Variants in FRZB observed in about 807,000 individuals in gnomAD.
FRZB encodes secreted frizzled-related protein 3.
In FRZB, 34 loss-of-function variants were observed where a neutral mutation model predicts 32.5. The ratio of observed to expected loss-of-function variants is 1.05; its 90% CI spans 0.80 to 1.39. The LOEUF (loss-of-function observed/expected upper bound fraction) is 1.39, where lower values mean the gene tolerates loss of function less well. FRZB is among the 40% of genes most tolerant of loss of function. The pLI is 0.00. For synonymous variants in FRZB, 170 were observed against 159.2 expected (o/e 1.07, Z -0.51); for missense variants, 423 against 424.8 (o/e 1.00, Z 0.04).
chr2:182,842,603 C>A, intron 2 of FRZB, 60 bp from the exon 3 acceptor site: 2 of 1,383,870 alleles, frequency 1.4e-6, no homozygotes, highest in South Asian at 2.4e-5. Flanking sequence ...TTGTTTTGCT[C>A]AGACTCACAT....
At chr2:182,859,046 T>C (rs899081341) in intron 1 of FRZB, among the ~76,000 whole-genome samples, 1 of 152,226 alleles carries the variant, frequency 6.6e-6, no homozygotes, top group Admixed American at 6.5e-5. Flanking sequence ...AAGGAAATAC[T>C]CTTCTGAATA....
At chr2:182,835,929 A>G (rs1280915121) in intron 5 of FRZB, among the ~76,000 whole-genome samples, 3 of 152,062 alleles carry the variant, frequency 2.0e-5, no homozygotes, top group African/African-American at 7.2e-5. Context: ...ACTAGACCTC[A>G]TTTTCATCAT....
rs757857052 is a variant in FRZB, at chr2:182,866,346, G to C, written c.207C>G (p.Ile69Met). The change falls in exon 1 of 6, where the codon ATC becomes ATG. Residue 69 changes from isoleucine (I) to methionine (M), a missense_variant. Physicochemically the swap from Ile to Met is conservative, Grantham distance 10. Transcript: ENST00000295113. This position sits in a 1 kb window ranked among gnomAD's most constrained non-coding sequence, Gnocchi z 4.5. Reference sequence around the variant, plus strand: ...TGCCCAGCAGACCTTCGAACTGCTCGATGGCCAGGATGGCGTTGGCCTGAG... The same window carrying C: ...TGCCCAGCAGACCTTCGAACTGCTCCATGGCCAGGATGGCGTTGGCCTGAG... ...HSTQANAILA[I>M]EQFEGLLGTH... 1.2e-6 allele frequency: 2 copies of C among 1,614,158 alleles called. No homozygotes were observed. Among genetic ancestry groups the C allele is most frequent in the Admixed American group, 1.7e-5 (1 of 60,024 alleles).
intron 1 of FRZB, among the ~76,000 whole-genome samples, chr2:182,860,295 T>G (rs1282845204): frequency 6.6e-6 from 1 of 152,196 alleles, no homozygotes; most frequent in African/African-American, 2.4e-5. Context: ...ACTTAGGAAT[T>G]CTAACAACAA....
In FRZB at chr2:182,866,601, G is replaced by A. The variant is rs111981420; in HGVS notation, c.-49C>T. ...TGCAGCCGCGCAGTGGACGCCAAAA[G>A]GCCCGCTCCGCCGTCTCCGCCTCCC... On this transcript the variant is annotated 5_prime_UTR_variant, in exon 1 of 6. Transcript: ENST00000295113. This position sits in a 1 kb window ranked among gnomAD's most constrained non-coding sequence, Gnocchi z 4.5. 158 of 1,304,278 alleles carry A rather than the reference G, an allele frequency of 1.2e-4. No homozygotes were observed. In the African/African-American group the frequency reaches 1.7e-3, roughly 14 times the overall value. 80.8% of individuals were successfully genotyped at this position (1,304,278 alleles called of 1,614,324 possible).
intron 2 of FRZB, among the ~76,000 whole-genome samples, chr2:182,853,702 A>G (rs921024687): frequency 6.6e-6 from 1 of 152,234 alleles, no homozygotes; most frequent in Non-Finnish European, 1.5e-5. Flanking sequence ...GTCCCAATGT[A>G]ATGAAAGTTG....
chr2:182,852,335 A>T (rs1258613727), intron 2 of FRZB, among the ~76,000 whole-genome samples: 1 of 152,200 alleles, frequency 6.6e-6, no homozygotes, highest in African/African-American at 2.4e-5. Flanking sequence ...AGCTACCCAG[A>T]GGAGCTTCTC....
chr2:182,846,703 A>G (rs965108877), intron 2 of FRZB, among the ~76,000 whole-genome samples: 7 of 152,188 alleles, frequency 4.6e-5, no homozygotes, highest in Admixed American at 2.0e-4. Flanking sequence ...AACACATTTT[A>G]AAAGATATAA....
At position 182,834,924 on chromosome 2, in the gene FRZB, A is replaced by AAGATGACGAAG; in HGVS notation, c.902_903insCTTCGTCATCT (p.Asp302PhefsTer70). The AAGATGACGAAG allele has an allele frequency of 6.2e-7, 1 of 1,613,386 alleles. No individual in the cohort carries two copies. Among genetic ancestry groups the AAGATGACGAAG allele is most frequent in the Admixed American group, 1.7e-5 (1 of 59,914 alleles). On this transcript the variant is annotated frameshift_variant, in exon 6 of 6. Coordinates refer to ENST00000295113, the MANE Select transcript of FRZB (RefSeq NM_001463.4). LOFTEE classifies it high-confidence loss of function. Reference sequence around the variant, plus strand: ...GAGTGGAATCACTATTGCTAGAATCACTTTTACTGAGTCCAAGATGACGAA... The same window carrying AAGATGACGAAG: ...GAGTGGAATCACTATTGCTAGAATCAAGATGACGAAGCTTTTACTGAGTCCAAGATGACGAA...
intron 2 of FRZB, among the ~76,000 whole-genome samples, chr2:182,845,270 T>C (rs1289803395): frequency 7.0e-6 from 1 of 142,912 alleles, no homozygotes; most frequent in Non-Finnish European, 1.6e-5. Context: ...AGCTGTCACC[T>C]TTTTTGTGCC....
chr2:182,848,372 A>G (rs1056588097), intron 2 of FRZB, among the ~76,000 whole-genome samples: 8 of 152,174 alleles, frequency 5.3e-5, no homozygotes, highest in Non-Finnish European at 1.0e-4. Flanking sequence ...CTTAAAACAG[A>G]AGATGGGCAA....
At chr2:182,843,589 T>G (rs1354705065) in intron 2 of FRZB, among the ~76,000 whole-genome samples, 1 of 152,178 alleles carries the variant, frequency 6.6e-6, no homozygotes, top group Non-Finnish European at 1.5e-5. Flanking sequence ...ACACATAAAT[T>G]AGAGAAAGGA....
chr2:182,842,806 C>T (rs2105754327), intron 2 of FRZB, among the ~76,000 whole-genome samples: 1 of 152,256 alleles, frequency 6.6e-6, no homozygotes, highest in Admixed American at 6.5e-5. Flanking sequence ...GCTGTTCACC[C>T]CCATGCATGA....
Position 182,866,212 on chromosome 2 carries a change from C to G in FRZB, c.341G>C (p.Arg114Pro), listed in dbSNP as rs200401426. 2.5e-5 allele frequency: 41 copies of G among 1,614,162 alleles called. No homozygotes were observed. Among genetic ancestry groups the G allele is most frequent in the Non-Finnish European group, 3.5e-5 (41 of 1,180,034 alleles). ...PIKPCKSVCE[R>P]ARQGCEPILI... The stretch of plus-strand genomic sequence containing the variant: ...TATGGGCTCACAGCCCTGCCGGGCC[C>G]GCTCGCACACAGACTTACAGGGCTT... The change falls in exon 1 of 6, where the codon CGG becomes CCG. Residue 114 changes from arginine to proline, a missense_variant. Coordinates refer to ENST00000295113, the MANE Select transcript of FRZB (RefSeq NM_001463.4). The surrounding 1 kb of genome is among the most constrained non-coding windows in gnomAD (Gnocchi z 4.5).
At chr2:182,847,865 C>A (rs538768369) in intron 2 of FRZB, among the ~76,000 whole-genome samples, 2 of 152,130 alleles carry the variant, frequency 1.3e-5, no homozygotes, top group Admixed American at 1.3e-4. Flanking sequence ...AAAGTGAAAC[C>A]AGTCACCTCA....
intron 1 of FRZB, among the ~76,000 whole-genome samples, chr2:182,863,522 G>A (rs1316021783): frequency 1.3e-5 from 2 of 152,196 alleles, no homozygotes; most frequent in African/African-American, 4.8e-5. Context: ...GATATACTAT[G>A]AGAGAACAGA....
chr2:182,851,967 A>C (rs1469778970), intron 2 of FRZB, among the ~76,000 whole-genome samples: 1 of 152,228 alleles, frequency 6.6e-6, no homozygotes, highest in Non-Finnish European at 1.5e-5. Flanking sequence ...AGAAATGCTT[A>C]GGAAAGAGAA....
intron 2 of FRZB, among the ~76,000 whole-genome samples, chr2:182,847,342 A>G (rs912070536): frequency 6.6e-6 from 1 of 152,226 alleles, no homozygotes; most frequent in African/African-American, 2.4e-5. Context: ...TATGAAGTCC[A>G]TAAAGGAGAC....
At chr2:182,849,659 C>T (rs1021384162) in intron 2 of FRZB, among the ~76,000 whole-genome samples, 1 of 152,146 alleles carries the variant, frequency 6.6e-6, no homozygotes, top group East Asian at 1.9e-4. Flanking sequence ...AAAAACAAAC[C>T]TCAAATATTG....
Sources: gnomAD v4.1 joint callset for allele counts (sites outside exome capture counted in the v4.1 genomes callset) on GRCh38, gnomAD v4.1.1 for gene constraint, Gnocchi (gnomAD v3.1) non-coding constraint, MANE v1.5 for transcripts, NCBI Gene and HGNC (gene_info 2026-07-23, HGNC 2026-07-21) for gene names.